TEX9: variants seen among roughly 807,000 people sequenced by gnomAD.
TEX9 encodes testis expressed 9, also known as testis-expressed protein 9.
Under a neutral mutation model 59.6 loss-of-function variants are expected in TEX9, and 74 were observed. The observed-to-expected ratio is 1.24, with a 90% CI of 1.03 to 1.51. The LOEUF (loss-of-function observed/expected upper bound fraction) is 1.51, where lower values mean the gene tolerates loss of function less well. TEX9 is among the 40% of genes most tolerant of loss of function. TEX9 has a pLI of 0.00. For missense variants in TEX9, 522 were observed against 447.8 expected, an observed-to-expected ratio of 1.17 and a Z score of -1.49; for synonymous variants, 186 against 152.2, an observed-to-expected ratio of 1.22 and a Z score of -1.64.
chr15:56,307,714 A>T (rs775915814), intron 1 of TEX9, among the ~76,000 whole-genome samples: 24 of 152,062 alleles, frequency 1.6e-4, no homozygotes, highest in Non-Finnish European at 3.2e-4. Context: ...GAAACCTCAT[A>T]CTCATTAGCA....
At chr15:56,264,110 A>G (rs1190885352) in intron 1 of TEX9, among the ~76,000 whole-genome samples, 1 of 152,192 alleles carries the variant, frequency 6.6e-6, no homozygotes, top group Non-Finnish European at 1.5e-5. Context: ...CTAGGAGTTG[A>G]GTTGCTGTGC....
chr15:56,364,315 G>A (rs1356477729), upstream of TEX9, among the ~76,000 whole-genome samples: 7 of 151,538 alleles, frequency 4.6e-5, no homozygotes, highest in African/African-American at 7.3e-5. Flanking sequence ...CACCACACCC[G>A]GCTAATTTTT....
chr15:56,448,342 C>T (rs1382849358), downstream of TEX9, among the ~76,000 whole-genome samples: 1 of 152,180 alleles, frequency 6.6e-6, no homozygotes, highest in Non-Finnish European at 1.5e-5. Context: ...GCTCCTGTCA[C>T]CCAGGCAGTG....
At position 56,383,934 on chromosome 15, in the gene TEX9, T is replaced by G; in HGVS notation, c.184-18T>G. 1 of 1,589,200 alleles carries G rather than the reference T, an allele frequency of 6.3e-7. No homozygotes were observed. Among genetic ancestry groups the G allele is most frequent in the Non-Finnish European group, 8.6e-7 (1 of 1,164,922 alleles). ...TTTTTTTTCTATATGATATATTACC[T>G]ATCTTTACTCATTTAAGAGAGATCG... On this transcript the variant is annotated intron_variant, in intron 3 of 12. Coordinates refer to ENST00000352903, the Ensembl canonical transcript of TEX9.
intron 3 of TEX9, among the ~76,000 whole-genome samples, chr15:56,375,428 T>A (rs1189541636): frequency 6.6e-6 from 1 of 152,060 alleles, no homozygotes; most frequent in Non-Finnish European, 1.5e-5. Context: ...CTTTGTCAGA[T>A]GAGTAGGTTG....
intron 2 of TEX9, among the ~76,000 whole-genome samples, chr15:56,366,385 T>C (rs1319287557): frequency 6.6e-6 from 1 of 152,224 alleles, no homozygotes; most frequent in Admixed American, 6.5e-5. Context: ...CCAGCTTCAC[T>C]GGCCTTTTAG....
At chr15:56,401,308 C>CAAAAAAAAA (rs1207055803) in intron 9 of TEX9, among the ~76,000 whole-genome samples, 13 of 46,774 alleles carry the variant, frequency 2.8e-4, no homozygotes, top group Non-Finnish European at 3.4e-4. Context: ...AAATTGAAAG[C>CAAAAAAAAA]AAAAAAAAAA....
At chr15:56,435,473 G>C (rs1469659542) in intron 12 of TEX9, among the ~76,000 whole-genome samples, 1 of 151,616 alleles carries the variant, frequency 6.6e-6, no homozygotes, top group Non-Finnish European at 1.5e-5. Context: ...ACTAATATCA[G>C]GAATAAAACA....
At chr15:56,443,471 A>G in intron 12 of TEX9, 2 of 1,599,262 alleles carry the variant, frequency 1.3e-6, no homozygotes, top group Non-Finnish European at 1.7e-6. Flanking sequence ...TCTTCCTGGT[A>G]TAATTCTTGT....
intron 10 of TEX9, chr15:56,421,572 TG>T (rs1436513238): frequency 2.0e-5 from 3 of 151,846 alleles, no homozygotes; most frequent in African/African-American, 2.4e-5. Flanking sequence ...TTCTTTTATT[TG>T]TAACTCCTTT....
chr15:56,334,002 A>T (rs1473740068), intron 1 of TEX9, among the ~76,000 whole-genome samples: 1 of 152,194 alleles, frequency 6.6e-6, no homozygotes, highest in African/African-American at 2.4e-5. Context: ...CACTGATACA[A>T]GAAATTGAAG....
At chr15:56,441,563 C>A (rs892332829) in intron 12 of TEX9, among the ~76,000 whole-genome samples, 2 of 151,996 alleles carry the variant, frequency 1.3e-5, no homozygotes, top group East Asian at 3.9e-4. Context: ...ACAAGTGGGA[C>A]CTAGTTAAAC....
intron 1 of TEX9, among the ~76,000 whole-genome samples, chr15:56,313,263 T>C (rs1345256354): frequency 3.0e-5 from 1 of 33,344 alleles, no homozygotes; most frequent in Non-Finnish European, 7.5e-5. Flanking sequence ...GCCCATTCAG[T>C]ATGATATTGG....
chr15:56,334,065 A>G (rs115060126), intron 1 of TEX9, among the ~76,000 whole-genome samples: 2,506 of 152,296 alleles, frequency 0.016, 67 homozygotes, highest in African/African-American at 0.057. Context: ...AAGAATCAAT[A>G]TTGTTAAAAT....
At chr15:56,327,017 C>T (rs528881671) in intron 1 of TEX9, among the ~76,000 whole-genome samples, 1 of 152,256 alleles carries the variant, frequency 6.6e-6, no homozygotes, top group East Asian at 1.9e-4. Context: ...CAAATACCAC[C>T]TGTTCCCCAA....
At chr15:56,378,891 C>A (rs1223318471) in intron 3 of TEX9, among the ~76,000 whole-genome samples, 3 of 151,888 alleles carry the variant, frequency 2.0e-5, no homozygotes, top group African/African-American at 7.3e-5. Context: ...CATGGTGAAA[C>A]TCCATCTCTA....
chr15:56,317,645 T>A (rs1289514780), intron 1 of TEX9, among the ~76,000 whole-genome samples: 10 of 152,212 alleles, frequency 6.6e-5, no homozygotes, highest in Non-Finnish European at 1.5e-5. Context: ...GATCTTTTTT[T>A]AAATATAGGC....
At chr15:56,322,835 A>T (rs972710117) in intron 1 of TEX9, among the ~76,000 whole-genome samples, 1 of 115,856 alleles carries the variant, frequency 8.6e-6, no homozygotes, top group African/African-American at 2.7e-5. Context: ...ACATAATCAC[A>T]TTACAGTAAA....
At chr15:56,284,678 A>G (rs575698122) in intron 1 of TEX9, among the ~76,000 whole-genome samples, 1 of 152,102 alleles carries the variant, frequency 6.6e-6, no homozygotes, top group Non-Finnish European at 1.5e-5. Flanking sequence ...GTCCTATTTG[A>G]TGGCCCTACT....
Sources: gnomAD v4.1 joint callset for allele counts (sites outside exome capture counted in the v4.1 genomes callset) on GRCh38, gnomAD v4.1.1 for gene constraint, MANE v1.5 for transcripts, NCBI Gene and HGNC (gene_info 2026-07-23, HGNC 2026-07-21) for gene names.